CNTN5: variants seen among roughly 807,000 people sequenced by gnomAD.
CNTN5 encodes the protein contactin 5.
Under a neutral mutation model 129.1 loss-of-function variants are expected in CNTN5, and 77 were observed. That is an observed-to-expected ratio of 0.60 (90% CI 0.50 to 0.72). CNTN5 has a LOEUF of 0.72. Among genes scored for constraint, CNTN5 ranks in the 30% least tolerant of loss-of-function variants. The pLI is 0.00. For synonymous variants in CNTN5, 509 were observed against 465.6 expected (o/e 1.09, Z -1.20); for missense variants, 1,478 against 1,328.8 (o/e 1.11, Z -1.75).
intron 3 of CNTN5, among the ~76,000 whole-genome samples, chr11:99,732,614 G>T (rs938429466): frequency 1.3e-5 from 2 of 152,214 alleles, no homozygotes; most frequent in Non-Finnish European, 2.9e-5. Flanking sequence ...GCTGGAGAAG[G>T]CCTGGCGGAC....
intron 1 of CNTN5, among the ~76,000 whole-genome samples, chr11:99,216,209 A>G (rs1449725776): frequency 2.6e-5 from 4 of 152,062 alleles, no homozygotes; most frequent in Non-Finnish European, 5.9e-5. Flanking sequence ...TCATAAGTCC[A>G]GTATTTTTTA....
chr11:99,157,195 G>A (rs1323876098), intron 1 of CNTN5, among the ~76,000 whole-genome samples: 1 of 151,812 alleles, frequency 6.6e-6, no homozygotes, highest in Non-Finnish European at 1.5e-5. Context: ...TTATAAATTG[G>A]TGCACCTTCA....
intron 2 of CNTN5, among the ~76,000 whole-genome samples, chr11:99,536,292 T>C (rs1947897810): frequency 6.6e-6 from 1 of 152,220 alleles, no homozygotes; most frequent in South Asian, 2.1e-4. Context: ...TAACTAGTTA[T>C]AGTTAATTTT....
At chr11:99,427,484 G>T (rs1179466968) in intron 2 of CNTN5, among the ~76,000 whole-genome samples, 5 of 152,036 alleles carry the variant, frequency 3.3e-5, no homozygotes, top group African/African-American at 1.2e-4. Flanking sequence ...AAAATTTCTT[G>T]GGCCTGGCGC....
At chr11:99,322,229 G>T (rs1428042689) in intron 1 of CNTN5, among the ~76,000 whole-genome samples, 4 of 152,040 alleles carry the variant, frequency 2.6e-5, no homozygotes, top group Non-Finnish European at 5.9e-5. Flanking sequence ...GCAGTCGGCG[G>T]CCTTACTCCT....
chr11:100,037,109 C>A (rs1477728411), intron 9 of CNTN5, among the ~76,000 whole-genome samples: 3 of 151,762 alleles, frequency 2.0e-5, no homozygotes, highest in African/African-American at 7.3e-5. Context: ...GTGGGTTTGT[C>A]ATGGATAGCT....
intron 7 of CNTN5, among the ~76,000 whole-genome samples, chr11:99,948,705 G>A (rs1235901482): frequency 6.6e-6 from 1 of 152,126 alleles, no homozygotes; most frequent in East Asian, 1.9e-4. Context: ...CTATTCCTAT[G>A]AGAATTAAAT....
At chr11:99,928,853 C>A (rs990713403) in intron 7 of CNTN5, among the ~76,000 whole-genome samples, 1 of 152,160 alleles carries the variant, frequency 6.6e-6, no homozygotes, top group Non-Finnish European at 1.5e-5. Flanking sequence ...GTTTTTGTTT[C>A]ACATTATCAG....
At chr11:99,937,611 A>G (rs1329296641) in intron 7 of CNTN5, among the ~76,000 whole-genome samples, 1 of 152,216 alleles carries the variant, frequency 6.6e-6, no homozygotes, top group South Asian at 2.1e-4. Context: ...CATGTTGTAC[A>G]TAAGAGAAAG....
chr11:99,214,607 A>T (rs1324182350), intron 1 of CNTN5, among the ~76,000 whole-genome samples: 2 of 151,906 alleles, frequency 1.3e-5, no homozygotes, highest in African/African-American at 4.8e-5. Context: ...GGCCCAATTG[A>T]CAGATCTTTT....
At chr11:99,115,854 A>C (rs1858021603) in intron 1 of CNTN5, among the ~76,000 whole-genome samples, 1 of 152,162 alleles carries the variant, frequency 6.6e-6, no homozygotes, top group Admixed American at 6.6e-5. Context: ...GGAAGGAGAC[A>C]CAGCTAGCAC....
intron 2 of CNTN5, among the ~76,000 whole-genome samples, chr11:99,517,082 T>A (rs1947083019): frequency 6.6e-6 from 1 of 152,086 alleles, no homozygotes; most frequent in African/African-American, 2.4e-5. Context: ...TCTCCACAAA[T>A]GATCTAAGTT....
intron 3 of CNTN5, among the ~76,000 whole-genome samples, chr11:99,557,717 T>C (rs978825838): frequency 6.6e-6 from 1 of 151,424 alleles, no homozygotes; most frequent in Non-Finnish European, 1.5e-5. Flanking sequence ...ATGAGTCTTC[T>C]TTATAACTGA....
intron 3 of CNTN5, among the ~76,000 whole-genome samples, chr11:99,661,582 A>G (rs1388516564): frequency 6.6e-6 from 1 of 152,056 alleles, no homozygotes; most frequent in African/African-American, 2.4e-5. Context: ...ATTTGTTTGC[A>G]TAACAACCAC....
intron 2 of CNTN5, among the ~76,000 whole-genome samples, chr11:99,434,291 A>C (rs1455496530): frequency 2.6e-5 from 4 of 152,294 alleles, no homozygotes; most frequent in African/African-American, 9.6e-5. Flanking sequence ...GATAATATAC[A>C]TTCTTTTGGA....
intron 13 of CNTN5, among the ~76,000 whole-genome samples, chr11:100,114,522 T>C (rs962508926): frequency 6.6e-6 from 1 of 152,146 alleles, no homozygotes; most frequent in African/African-American, 2.4e-5. Flanking sequence ...TTTGATAGAT[T>C]ATCACATTAA....
intron 13 of CNTN5, among the ~76,000 whole-genome samples, chr11:100,173,605 C>G (rs1947883067): frequency 6.6e-6 from 1 of 152,088 alleles, no homozygotes; most frequent in Non-Finnish European, 1.5e-5. Flanking sequence ...ACTTTCTAGG[C>G]TCCATGAGCA....
intron 1 of CNTN5, among the ~76,000 whole-genome samples, chr11:99,131,724 C>A (rs1334766805): frequency 6.6e-6 from 1 of 152,064 alleles, no homozygotes; most frequent in Non-Finnish European, 1.5e-5. Flanking sequence ...CCCAAATAGA[C>A]CAATAACAAG....
intron 3 of CNTN5, among the ~76,000 whole-genome samples, chr11:99,781,688 T>A (rs1945316221): frequency 6.6e-6 from 1 of 152,072 alleles, no homozygotes. Flanking sequence ...ATCAACATAC[T>A]TTAAGCATTC....
Sources: allele counts gnomAD v4.1 joint callset (sites outside exome capture counted in the v4.1 genomes callset), GRCh38; gene constraint gnomAD v4.1.1; transcripts MANE v1.5; gene names NCBI Gene and HGNC (gene_info 2026-07-23, HGNC 2026-07-21).